Variants in ZMYM4 observed in about 807,000 individuals in gnomAD.
ZMYM4 encodes the protein zinc finger MYM-type protein 4.
A neutral mutation model predicts 183.2 loss-of-function variants in ZMYM4; 31 were observed. The ratio of observed to expected loss-of-function variants is 0.17; its 90% CI spans 0.13 to 0.23. ZMYM4 has a LOEUF of 0.23. Among genes scored for constraint, ZMYM4 ranks in the 10% least tolerant of loss-of-function variants. The pLI, the probability that ZMYM4 is intolerant of heterozygous loss-of-function variation, is 1.00. For missense variants in ZMYM4, 1,273 were observed against 1,840.3 expected, an observed-to-expected ratio of 0.69 and a Z score of 5.64; for synonymous variants, 592 against 631.2, an observed-to-expected ratio of 0.94 and a Z score of 0.93.
intron 2 of ZMYM4, among the ~76,000 whole-genome samples, chr1:35,341,955 CAG>C (rs1488828325): frequency 1.3e-5 from 2 of 152,014 alleles, no homozygotes; most frequent in African/African-American, 2.4e-5. Flanking sequence ...ATTTTCCTGA[CAG>C]AGTTTGTGTT....
intron 1 of ZMYM4, among the ~76,000 whole-genome samples, chr1:35,315,091 T>A (rs201965916): frequency 4.5e-5 from 6 of 131,884 alleles, no homozygotes; most frequent in Non-Finnish European, 8.3e-5. Context: ...TTTTTTTTTT[T>A]AAAGCTATTT....
intron 1 of ZMYM4, among the ~76,000 whole-genome samples, chr1:35,324,327 G>C (rs1376585848): frequency 6.6e-6 from 1 of 151,986 alleles, no homozygotes; most frequent in Non-Finnish European, 1.5e-5. Context: ...TTGATCTCCT[G>C]ACCTTGTGAT....
chr1:35,398,835 A>T, intron 21 of ZMYM4, 29 bp from the exon 22 acceptor site: 1 of 1,602,300 alleles, frequency 6.2e-7, no homozygotes. Flanking sequence ...TTTTATTTTG[A>T]GGGCTTAATT....
Position 35,386,734 on chromosome 1 carries a change from C to CA in ZMYM4, c.1837-269_1837-268insA, listed in dbSNP as rs550810727. Among the ~76,000 whole-genome samples, 41 of 152,224 alleles carry CA rather than the reference C, an allele frequency of 2.7e-4. 1 individual carries two copies. The South Asian group carries it at 8.5e-3, about 32-fold the overall frequency. ...TGTATTTGGAATTTAATTTAACTGC[C>CA]TTCTATAAAATTGAATGGTACTTTT... is the stretch of plus-strand genomic sequence containing the variant. On this transcript the variant is annotated intron_variant, in intron 11 of 29. Coordinates refer to ENST00000314607, the MANE Select transcript of ZMYM4 (RefSeq NM_005095.3).
chr1:35,364,773 T>A (rs1283472398), intron 5 of ZMYM4, among the ~76,000 whole-genome samples: 1 of 152,232 alleles, frequency 6.6e-6, no homozygotes, highest in Admixed American at 6.5e-5. Context: ...GTGCTTAATT[T>A]AGGTAGTTTT....
chr1:35,348,140 C>G (rs1280302331), intron 2 of ZMYM4, among the ~76,000 whole-genome samples: 1 of 152,154 alleles, frequency 6.6e-6, no homozygotes, highest in Admixed American at 6.5e-5. Flanking sequence ...ATGGTTTATA[C>G]TGTACTTCAA....
At chr1:35,347,447 A>G (rs1010771010) in intron 2 of ZMYM4, among the ~76,000 whole-genome samples, 4 of 152,180 alleles carry the variant, frequency 2.6e-5, no homozygotes, top group African/African-American at 7.2e-5. Context: ...CCATTGAGGG[A>G]AAAAAAGTAC....
At chr1:35,414,372 A>G (rs75476219) in intron 27 of ZMYM4, among the ~76,000 whole-genome samples, 16 of 152,328 alleles carry the variant, frequency 1.1e-4, no homozygotes, top group African/African-American at 3.8e-4. Flanking sequence ...GCTTTCACAT[A>G]TCATATCTGC....
chr1:35,274,800 A>G (rs895661377), intron 1 of ZMYM4, among the ~76,000 whole-genome samples: 1 of 152,042 alleles, frequency 6.6e-6, no homozygotes, highest in Non-Finnish European at 1.5e-5. Context: ...TGTATTTTTC[A>G]ACCACAATTA....
chr1:35,286,379 C>A lies in ZMYM4; in HGVS notation c.39+17294C>A, dbSNP rs1001976074. ...AGTCCTTGAAAGATTCCTCCCCGTC[C>A]GCCAAAAAAATAGAACCAGGCTCAT... On this transcript the variant is annotated intron_variant, in intron 1 of 29. Transcript: ENST00000314607. 2.0e-5 allele frequency among the ~76,000 whole-genome samples: 3 copies of A among 152,002 alleles called. No homozygotes were observed. In the East Asian group the frequency reaches 5.8e-4, roughly 29 times the overall value.
intron 5 of ZMYM4, among the ~76,000 whole-genome samples, chr1:35,363,760 G>A (rs2148916595): frequency 6.6e-6 from 1 of 152,316 alleles, no homozygotes; most frequent in Middle Eastern, 3.4e-3. Context: ...GGAGATCTTA[G>A]ATATCTGAAT....
chr1:35,411,735 A>T lies in ZMYM4; in HGVS notation c.3949-2237A>T, dbSNP rs188114885. ...AAATCTTCTGATCTGTGACTACAGG[A>T]TGTCTTTCTGTTTATTTAGTTGTTC... is the stretch of plus-strand genomic sequence containing the variant. On this transcript the variant is annotated intron_variant, in intron 26 of 29. Coordinates refer to ENST00000314607, the MANE Select transcript of ZMYM4 (RefSeq NM_005095.3). Among the ~76,000 whole-genome samples the T allele has an allele frequency of 1.8e-4, 27 of 152,234 alleles. 1 individual carries two copies. In the East Asian group the frequency reaches 4.4e-3, roughly 25 times the overall value.
chr1:35,405,472 A>G lies in ZMYM4; in HGVS notation c.3796+4A>G. The G allele has an allele frequency of 6.3e-7, 1 of 1,590,408 alleles. No individual in the cohort carries two copies. The highest frequency in any genetic ancestry group is 1.2e-5 in the South Asian group (1 of 85,010). ...TCCTCAGAGCCAGGCTGTAGAGGTA[A>G]AATTTGTTTCTCTCCATTTGGTATG... On this transcript the variant is annotated splice_donor_region_variant and intron_variant, in intron 25 of 29. Coordinates refer to ENST00000314607, the MANE Select transcript of ZMYM4 (RefSeq NM_005095.3).
chr1:35,378,765 T>G (rs377709325), intron 7 of ZMYM4, among the ~76,000 whole-genome samples: 3 of 152,222 alleles, frequency 2.0e-5, no homozygotes, highest in Non-Finnish European at 4.4e-5. Flanking sequence ...GAAGACTGTT[T>G]CTTCTACATT....
chr1:35,289,821 C>G (rs1042771973), intron 1 of ZMYM4, among the ~76,000 whole-genome samples: 14 of 152,270 alleles, frequency 9.2e-5, no homozygotes, highest in Middle Eastern at 3.4e-3. Context: ...ACCACTGGTC[C>G]AGATACTTTT....
chr1:35,300,774 A>G (rs1166320944), intron 1 of ZMYM4, among the ~76,000 whole-genome samples: 1 of 152,166 alleles, frequency 6.6e-6, no homozygotes, highest in Non-Finnish European at 1.5e-5. Context: ...TCTCCTTAGT[A>G]TATTCATGCT....
In ZMYM4 at chr1:35,359,113, G is replaced by C; in HGVS notation, c.274G>C (p.Glu92Gln). ...IPVVGSDNEDEQDFSSKDNLV... is the reference protein window; with the variant it reads ...IPVVGSDNEDQQDFSSKDNLV... Reference sequence around the variant, plus strand: ...AGTCGTTGGTAGTGACAATGAGGATGAACAGGATTTTAGTTCAAAGGACAA... The same window carrying C: ...AGTCGTTGGTAGTGACAATGAGGATCAACAGGATTTTAGTTCAAAGGACAA... The change falls in exon 3 of 30, where the codon GAA becomes CAA. Residue 92 changes from glutamate to glutamine, a missense_variant. Glu to Gln is a conservative substitution (Grantham distance 29). This residue lies in a region of ZMYM4 where 384 missense variants were observed against 465.6 expected (regional missense o/e 0.82). Transcript: ENST00000314607. 4 of 1,613,774 alleles carry C rather than the reference G, an allele frequency of 2.5e-6. No individual in the cohort carries two copies. Among genetic ancestry groups the C allele is most frequent in the Non-Finnish European group, 3.4e-6 (4 of 1,179,750 alleles).
At chr1:35,330,296 T>C (rs1642682318) in intron 2 of ZMYM4, among the ~76,000 whole-genome samples, 1 of 152,068 alleles carries the variant, frequency 6.6e-6, no homozygotes, top group African/African-American at 2.4e-5. Flanking sequence ...AGGAGTTTAT[T>C]TCTCATATAA....
intron 1 of ZMYM4, among the ~76,000 whole-genome samples, chr1:35,289,767 C>T (rs1484801004): frequency 6.6e-6 from 1 of 152,148 alleles, no homozygotes; most frequent in Non-Finnish European, 1.5e-5. Context: ...TATCTCCAGA[C>T]ATTACCAGTA....
Sources: gnomAD v4.1 joint callset for allele counts (sites outside exome capture counted in the v4.1 genomes callset) on GRCh38, gnomAD v4.1.1 for gene constraint, gnomAD v4.1.1 regional missense constraint, MANE v1.5 for transcripts, NCBI Gene and HGNC (gene_info 2026-07-23, HGNC 2026-07-21) for gene names.